The following IL20RA variants were observed in gnomAD, a reference collection of about 807,000 sequenced individuals.
IL20RA encodes the protein interleukin 20 receptor subunit alpha.
A neutral mutation model predicts 36.5 loss-of-function variants in IL20RA; 29 were observed. The observed-to-expected ratio is 0.79, with a 90% CI of 0.59 to 1.08. IL20RA has a LOEUF of 1.08. IL20RA is among the 50% of genes least tolerant of loss of function. The pLI is 0.00. For missense variants in IL20RA, 652 were observed against 668.4 expected, an observed-to-expected ratio of 0.98 and a Z score of 0.27; for synonymous variants, 279 against 267.1, an observed-to-expected ratio of 1.04 and a Z score of -0.43.
chr6:137,011,560 A>G, intron 2 of IL20RA, 108 bp from the exon 3 acceptor site: 2 of 693,310 alleles, frequency 2.9e-6, no homozygotes, highest in Non-Finnish European at 4.3e-6. Context: ...TCTCTTCAGA[A>G]AAACAAAAGT....
intron 1 of IL20RA, among the ~76,000 whole-genome samples, chr6:137,028,251 C>G (rs1776160502): frequency 6.6e-6 from 1 of 152,046 alleles, no homozygotes; most frequent in Non-Finnish European, 1.5e-5. Context: ...AACCCCATCT[C>G]TATTAAAATT....
intron 1 of IL20RA, among the ~76,000 whole-genome samples, chr6:137,031,372 TC>T (rs1776274526): frequency 6.6e-6 from 1 of 152,136 alleles, no homozygotes; most frequent in African/African-American, 2.4e-5. Context: ...GGTGCACACT[TC>T]AGAAATAATG....
At position 137,000,507 on chromosome 6, in the gene IL20RA, A is replaced by G. The variant is rs2115354812; in HGVS notation, c.*1051T>C. Reference sequence around the variant, plus strand: ...GTTACTGGAAATGAACTAGAAAGCTATTGTTTTATGGCATAGTTTAGTTCC... The same window carrying G: ...GTTACTGGAAATGAACTAGAAAGCTGTTGTTTTATGGCATAGTTTAGTTCC... On this transcript the variant is annotated 3_prime_UTR_variant, in exon 7 of 7. Coordinates refer to ENST00000316649, the MANE Select transcript of IL20RA (RefSeq NM_014432.4). 1 of 152,334 alleles carries G rather than the reference A, an allele frequency of 6.6e-6. No homozygotes were observed. Among genetic ancestry groups the G allele is most frequent in the Admixed American group, 6.5e-5 (1 of 15,304 alleles). The allele number at this position is 152,334 out of a possible 1,614,324, so 9.4% of individuals were successfully genotyped here.
chr6:137,032,102 T>C (rs1022556565), intron 1 of IL20RA, among the ~76,000 whole-genome samples: 15 of 149,176 alleles, frequency 1.0e-4, no homozygotes, highest in African/African-American at 3.5e-4. Flanking sequence ...AAATCCAGTA[T>C]GGTATCTACT....
intron 1 of IL20RA, among the ~76,000 whole-genome samples, chr6:137,037,241 T>C (rs1776521182): frequency 6.6e-6 from 1 of 152,180 alleles, no homozygotes; most frequent in African/African-American, 2.4e-5. Context: ...GAACAGTGGA[T>C]AGTGATTGAA....
intron 2 of IL20RA, among the ~76,000 whole-genome samples, chr6:137,013,404 C>T (rs745523521): frequency 3.3e-5 from 5 of 152,192 alleles, no homozygotes; most frequent in Non-Finnish European, 5.9e-5. Flanking sequence ...ATGACACTCA[C>T]GCATGGCAAA....
intron 1 of IL20RA, among the ~76,000 whole-genome samples, chr6:137,038,639 T>A (rs1171074302): frequency 6.6e-6 from 1 of 152,186 alleles, no homozygotes; most frequent in Non-Finnish European, 1.5e-5. Context: ...ATCACGATGA[T>A]AGCAAAAGTA....
intron 5 of IL20RA, among the ~76,000 whole-genome samples, chr6:137,008,189 T>C (rs895865659): frequency 6.6e-6 from 1 of 152,172 alleles, no homozygotes; most frequent in African/African-American, 2.4e-5. Flanking sequence ...GGTCTTAAAC[T>C]CCTGGGCTCA....
chr6:137,028,247 A>G (rs532713595), intron 1 of IL20RA, among the ~76,000 whole-genome samples: 20 of 152,114 alleles, frequency 1.3e-4, no homozygotes, highest in African/African-American at 4.8e-4. Context: ...GTGAAACCCC[A>G]TCTCTATTAA....
chr6:137,044,732 C>T lies in IL20RA; in HGVS notation c.-4G>A, dbSNP rs371458650. The T allele has an allele frequency of 8.5e-5, 103 of 1,216,992 alleles. No individual in the cohort carries two copies. The African/African-American group carries it at 1.4e-3, about 17-fold the overall frequency. The allele number at this position is 1,216,992 out of a possible 1,614,324, so 75.4% of individuals were successfully genotyped here. ...CCGGGCGGCCGGGAGCCCGCATGGG[C>T]GGCGGGGCTGGGTCACATGTCGGGG... On this transcript the variant is annotated 5_prime_UTR_variant, in exon 1 of 7. Transcript: ENST00000316649.
intron 5 of IL20RA, among the ~76,000 whole-genome samples, chr6:137,006,252 G>A (rs1481688091): frequency 1.3e-5 from 2 of 152,178 alleles, no homozygotes; most frequent in African/African-American, 4.8e-5. Flanking sequence ...AAGAGCCGGT[G>A]GGAAAAGTTC....
chr6:137,040,998 G>T (rs1051022967), intron 1 of IL20RA, among the ~76,000 whole-genome samples: 1 of 152,192 alleles, frequency 6.6e-6, no homozygotes, highest in Non-Finnish European at 1.5e-5. Flanking sequence ...AGCGATCAAG[G>T]TTAACATCAC....
At chr6:137,008,865 C>CTTTTTTT (rs3041890) in intron 4 of IL20RA, 122 bp from the exon 5 acceptor site, 21 of 142,094 alleles carry the variant, frequency 1.5e-4, no homozygotes, top group Middle Eastern at 2.7e-3. Context: ...TCAGTATAAG[C>CTTTTTTT]TTTTTTTTTT....
intron 1 of IL20RA, among the ~76,000 whole-genome samples, chr6:137,034,757 G>A (rs940844968): frequency 5.3e-5 from 8 of 151,916 alleles, no homozygotes; most frequent in African/African-American, 9.7e-5. Context: ...TGGCTAACAC[G>A]GTGAAACCCT....
chr6:137,029,658 A>G (rs1344367557), intron 1 of IL20RA, among the ~76,000 whole-genome samples: 18 of 152,230 alleles, frequency 1.2e-4, no homozygotes. Flanking sequence ...TTACTACTTG[A>G]TAATATGCAT....
rs759361391 is a variant in IL20RA, at chr6:137,001,692, C to A, written c.1528G>T (p.Asp510Tyr). The A allele has an allele frequency of 1.9e-6, 3 of 1,613,996 alleles. No homozygotes were observed. The highest frequency in any genetic ancestry group is 2.7e-5 in the African/African-American group (2 of 74,924). The change falls in exon 7 of 7, where the codon GAT becomes TAT. Residue 510 changes from aspartate (D) to tyrosine (Y), a missense_variant. By Grantham distance (160) the Asp-to-Tyr change is radical (BLOSUM62 -3). Transcript: ENST00000316649. ...DSEGCEPSEG[D>Y]GLGEEGLLSR... ...AGAAGACCCTCCTCTCCGAGCCCAT[C>A]CCCCTCAGAAGGCTCGCAGCCCTCT...
chr6:137,000,343 G>A lies in IL20RA; in HGVS notation c.*1215C>T, dbSNP rs1774987727. ...AAATATATATTAAGGCAAACCATAT[G>A]AAGTTACTGCTTGTCAGATTAAAAA... On this transcript the variant is annotated 3_prime_UTR_variant, in exon 7 of 7. Coordinates refer to ENST00000316649, the MANE Select transcript of IL20RA (RefSeq NM_014432.4). 1 of 152,166 alleles carries A rather than the reference G, an allele frequency of 6.6e-6. No homozygotes were observed. The highest frequency in any genetic ancestry group is 6.5e-5 in the Admixed American group (1 of 15,268). 9.4% of individuals were successfully genotyped at this position (152,166 alleles called of 1,614,324 possible).
At chr6:137,040,308 GTATAACTACGTTAGTC>G (rs896758437) in intron 1 of IL20RA, among the ~76,000 whole-genome samples, 8 of 151,892 alleles carry the variant, frequency 5.3e-5, no homozygotes, top group African/African-American at 1.9e-4. Flanking sequence ...AGATGTGTGT[GTATAACTACGTTAGTC>G]TATACACACA....
At chr6:137,010,963 G>A (rs1775471050) in intron 3 of IL20RA, among the ~76,000 whole-genome samples, 1 of 152,232 alleles carries the variant, frequency 6.6e-6, no homozygotes, top group Non-Finnish European at 1.5e-5. Context: ...CAGGCTGGGT[G>A]CGGTGGCTTA....
Sources: gnomAD v4.1 joint callset for allele counts (sites outside exome capture counted in the v4.1 genomes callset) on GRCh38, gnomAD v4.1.1 for gene constraint, MANE v1.5 for transcripts, NCBI Gene and HGNC (gene_info 2026-07-23, HGNC 2026-07-21) for gene names.